Variants in DLG2 observed in about 807,000 individuals in gnomAD.
DLG2 encodes the protein discs large MAGUK scaffold protein 2.
In DLG2, 45 loss-of-function variants were observed where a neutral mutation model predicts 132.5. The observed-to-expected ratio is 0.34, with a 90% CI of 0.27 to 0.44. The LOEUF (loss-of-function observed/expected upper bound fraction) is 0.44. DLG2 is among the 20% of genes least tolerant of loss of function. DLG2 has a pLI of 1.00. For missense variants in DLG2, 1,045 were observed against 1,196.9 expected (o/e 0.87, Z 1.87); for synonymous variants, 424 against 419.6 (o/e 1.01, Z -0.13).
intron 6 of DLG2, among the ~76,000 whole-genome samples, chr11:84,582,418 T>C (rs1371426571): frequency 6.7e-6 from 1 of 148,818 alleles, no homozygotes; most frequent in Non-Finnish European, 1.5e-5. Flanking sequence ...TTAAAATACA[T>C]ATATATTAAG....
At chr11:85,468,017 C>A (rs1039504035) in intron 3 of DLG2, among the ~76,000 whole-genome samples, 3 of 152,184 alleles carry the variant, frequency 2.0e-5, no homozygotes, top group Non-Finnish European at 4.4e-5. Context: ...AGAGATTCAA[C>A]TTCTTCCTGG....
chr11:84,701,714 A>G (rs2059244513), intron 6 of DLG2, among the ~76,000 whole-genome samples: 1 of 151,632 alleles, frequency 6.6e-6, no homozygotes, highest in African/African-American at 2.4e-5. Context: ...CTGAAATCCC[A>G]GTTTTATAAT....
At chr11:85,055,526 A>G (rs1171335389) in intron 6 of DLG2, among the ~76,000 whole-genome samples, 1 of 152,190 alleles carries the variant, frequency 6.6e-6, no homozygotes, top group African/African-American at 2.4e-5. Context: ...GAGAGCTGAC[A>G]GAGCTTTTGG....
At chr11:83,563,914 C>A (rs1035092030) in intron 19 of DLG2, among the ~76,000 whole-genome samples, 2 of 152,154 alleles carry the variant, frequency 1.3e-5, no homozygotes, top group Non-Finnish European at 2.9e-5. Context: ...TCACTGTCTT[C>A]GTAGCATTTG....
intron 18 of DLG2, among the ~76,000 whole-genome samples, chr11:83,699,134 C>T (rs2082420033): frequency 6.6e-6 from 1 of 152,110 alleles, no homozygotes; most frequent in African/African-American, 2.4e-5. Flanking sequence ...GTCTAAAGGG[C>T]CCCAATAAAG....
intron 18 of DLG2, chr11:83,682,209 G>C (rs1228760686): frequency 2.0e-6 from 2 of 985,214 alleles, no homozygotes; most frequent in East Asian, 2.3e-4. Flanking sequence ...GGCACCAAAG[G>C]CAGCTTCTCC....
At chr11:84,694,269 G>A (rs1220235474) in intron 6 of DLG2, among the ~76,000 whole-genome samples, 2 of 151,392 alleles carry the variant, frequency 1.3e-5, no homozygotes, top group Non-Finnish European at 3.0e-5. Context: ...TGTTATGATG[G>A]GAGAACACAA....
chr11:85,282,881 A>G (rs146349450), intron 4 of DLG2, among the ~76,000 whole-genome samples: 6,510 of 152,124 alleles, frequency 0.043, 185 homozygotes, highest in East Asian at 0.096. Context: ...TGTGATACAT[A>G]TATACCATGG....
At chr11:85,180,994 T>C (rs11823560) in intron 4 of DLG2, among the ~76,000 whole-genome samples, 14,707 of 151,846 alleles carry the variant, frequency 0.097, 976 homozygotes, top group African/African-American at 0.19. Context: ...GACAATTTTT[T>C]AATTATTCAT....
At chr11:84,261,353 C>A (rs2097545938) in intron 7 of DLG2, among the ~76,000 whole-genome samples, 1 of 152,122 alleles carries the variant, frequency 6.6e-6, no homozygotes, top group Non-Finnish European at 1.5e-5. Context: ...CATCCTAAAT[C>A]AGTTGCAGTC....
chr11:85,243,513 G>A (rs2075992445), intron 4 of DLG2, among the ~76,000 whole-genome samples: 1 of 151,846 alleles, frequency 6.6e-6, no homozygotes, highest in African/African-American at 2.4e-5. Flanking sequence ...TCTTTTTCAT[G>A]GCACCCTATA....
chr11:83,953,960 T>C (rs1054394609), intron 14 of DLG2, among the ~76,000 whole-genome samples: 3 of 152,338 alleles, frequency 2.0e-5, no homozygotes, highest in African/African-American at 7.2e-5. Context: ...ATGAACTTAC[T>C]CCATTAAAAA....
Position 83,682,489 on chromosome 11 carries a change from G to A in DLG2, c.1826-49164C>T, listed in dbSNP as rs112442373. The A allele has an allele frequency of 3.6e-3, 3,527 of 966,594 alleles. 92 individuals carry two copies. In the African/African-American group the frequency reaches 0.054, roughly 15 times the overall value. The allele number at this position is 966,594 out of a possible 1,614,324, so 59.9% of individuals were successfully genotyped here. Reference sequence around the variant, plus strand: ...ATGTACCACTATTAACCAATAAGATGCTTTCCCACCATCAGTAGTGTACCC... The same window carrying A: ...ATGTACCACTATTAACCAATAAGATACTTTCCCACCATCAGTAGTGTACCC... On this transcript the variant is annotated intron_variant, in intron 18 of 27. Transcript: ENST00000376104.
intron 21 of DLG2, among the ~76,000 whole-genome samples, chr11:83,488,405 G>C (rs776221779): frequency 1.3e-5 from 2 of 152,004 alleles, no homozygotes; most frequent in African/African-American, 4.8e-5. Flanking sequence ...GCCTGACTCT[G>C]AGATGTAATG....
intron 16 of DLG2, among the ~76,000 whole-genome samples, chr11:83,867,637 C>G (rs1440439473): frequency 6.6e-6 from 1 of 152,010 alleles, no homozygotes; most frequent in African/African-American, 2.4e-5. Context: ...TTTTGTTAGT[C>G]CTTGAAATTC....
intron 6 of DLG2, among the ~76,000 whole-genome samples, chr11:84,781,057 ATGTGTGTGTGTG>A (rs35479707): frequency 3.5e-5 from 5 of 143,038 alleles, no homozygotes; most frequent in African/African-American, 2.6e-5. Context: ...TCATAACTTA[ATGTGTGTGTGTG>A]TGTGTGTGTG....
intron 19 of DLG2, among the ~76,000 whole-genome samples, chr11:83,588,355 C>A (rs1480475735): frequency 6.6e-6 from 1 of 151,784 alleles, no homozygotes. Flanking sequence ...AACTGGGAGG[C>A]ACCCCCCAGC....
rs1199705846 is a variant in DLG2, at chr11:83,724,712, T to G, written c.1825+61978A>C. Reference sequence around the variant, plus strand: ...CACTGTAGAAAATGCCTGCAAGCAGTGGCTACTAACAAACGGCAGGGAAAG... The same window carrying G: ...CACTGTAGAAAATGCCTGCAAGCAGGGGCTACTAACAAACGGCAGGGAAAG... On this transcript the variant is annotated intron_variant, in intron 18 of 27. Coordinates refer to ENST00000376104, the MANE Select transcript of DLG2 (RefSeq NM_001142699.3). 4.9e-6 allele frequency: 3 copies of G among 615,722 alleles called. No homozygotes were observed. The African/African-American group carries it at 5.5e-5, about 11-fold the overall frequency. 38.1% of individuals were successfully genotyped at this position (615,722 alleles called of 1,614,324 possible). A position where few individuals can be genotyped will look rare whatever the true frequency, so the allele number is the denominator to read the frequency against.
intron 18 of DLG2, among the ~76,000 whole-genome samples, chr11:83,784,172 A>G (rs2094947027): frequency 1.3e-5 from 2 of 152,220 alleles, no homozygotes; most frequent in African/African-American, 2.4e-5. Flanking sequence ...AACGACTTAC[A>G]ATATGGGTGC....
Sources: allele counts gnomAD v4.1 joint callset (sites outside exome capture counted in the v4.1 genomes callset), GRCh38; gene constraint gnomAD v4.1.1; transcripts MANE v1.5; gene names NCBI Gene and HGNC (gene_info 2026-07-23, HGNC 2026-07-21).